The following PAX4 variants were observed in gnomAD, a reference collection of about 807,000 sequenced individuals.
The protein encoded by PAX4 is paired box protein Pax-4.
PAX4 carries 33 observed loss-of-function variants against 40.6 expected under a neutral mutation model. The ratio of observed to expected loss-of-function variants is 0.81; its 90% confidence interval spans 0.62 to 1.09. PAX4 has a LOEUF of 1.09. Among genes scored for constraint, PAX4 ranks in the 50% least tolerant of loss-of-function variants. The pLI is 0.00. For synonymous variants in PAX4, 174 were observed against 170.6 expected (o/e 1.02, Z -0.16); for missense variants, 459 against 442.5 (o/e 1.04, Z -0.33).
rs376039555 is a variant in PAX4 at position 127,612,934 on chromosome 7, AGGATGGATGGAT to A, written c.715+76_715+87del. On this transcript the variant is annotated intron_variant, in intron 9 of 11. Transcript: ENST00000639438. ...GATGGATAAATGGATGGACGAATGG[AGGATGGATGGAT>A]GGATGGATGGATGGATGGATGGATG... 119 of 920,294 alleles carry A rather than the reference AGGATGGATGGAT, an allele frequency of 1.3e-4. 1 individual carries two copies. Among genetic ancestry groups the A allele is most frequent in the South Asian group, 4.0e-4 (30 of 75,656 alleles). 57.0% of individuals were successfully genotyped at this position (920,294 alleles called of 1,614,324 possible).
At chr7:127,613,251 A>G (rs555879720) in intron 8 of PAX4, among the ~76,000 whole-genome samples, 160 bp from the exon 9 acceptor site, 1 of 152,204 alleles carries the variant, frequency 6.6e-6, no homozygotes, top group African/African-American at 2.4e-5. Context: ...CCCCTTCCTC[A>G]ACTCAAAGGT....
rs377152445 is a variant in PAX4, at chr7:127,611,939, G to T, written c.771+6C>A. The T allele has an allele frequency of 6.2e-7, 1 of 1,614,044 alleles. No homozygotes were observed. Among genetic ancestry groups the T allele is most frequent in the African/African-American group, 1.3e-5 (1 of 75,034 alleles). ...AGGGCACAGACTCCCCTCTCCTCCC[G>T]AGTACCTGTGCAGAGATGATTCCTG... On this transcript the variant is annotated splice_donor_region_variant and intron_variant, in intron 10 of 11. Transcript: ENST00000639438.
chr7:127,611,543 G>A lies in PAX4; in HGVS notation c.905C>T (p.Pro302Leu). The A allele has an allele frequency of 1.2e-6, 2 of 1,613,712 alleles. No homozygotes were observed. Among genetic ancestry groups the A allele is most frequent in the Non-Finnish European group, 1.7e-6 (2 of 1,179,840 alleles). ...CTGGCCTGAATTCTTACCCCAGCAGGGCTTGAGACAGGCTTTAGGTGGGGT... is the reference window on the plus strand; with the variant it reads ...CTGGCCTGAATTCTTACCCCAGCAGAGCTTGAGACAGGCTTTAGGTGGGGT... The part of the protein sequence containing the change: ...SDTPPKACLK[P>L]CWGHLPPQPN... The change falls in exon 11 of 12, where the codon CCC (proline) becomes CTC (leucine). Residue 302 changes from proline to leucine, a missense_variant. Coordinates refer to ENST00000639438, the MANE Select transcript of PAX4 (RefSeq NM_001366110.1).
chr7:127,617,389 A>G lies in PAX4; in HGVS notation c.-214T>C, dbSNP rs1221285701. The G allele has an allele frequency of 6.6e-6, 1 of 152,196 alleles. No individual in the cohort carries two copies. Among genetic ancestry groups the G allele is most frequent in the Non-Finnish European group, 1.5e-5 (1 of 68,036 alleles). The allele number at this position is 152,196 out of a possible 1,614,324, so 9.4% of individuals were successfully genotyped here. ...AACTGAGGCACAGATTGGCATTGCCACAAGTCAGGGGCTGTCCAGAGAGTA... is the reference window on the plus strand; with the variant it reads ...AACTGAGGCACAGATTGGCATTGCCGCAAGTCAGGGGCTGTCCAGAGAGTA... On this transcript the variant is annotated 5_prime_UTR_variant, in exon 2 of 12. Coordinates refer to ENST00000639438, the MANE Select transcript of PAX4 (RefSeq NM_001366110.1).
rs1252493831 is a variant in PAX4 at position 127,610,695 on chromosome 7, G to T, written c.*369C>A. 3.2e-6 allele frequency: 2 copies of T among 618,888 alleles called. No individual in the cohort carries two copies. Among genetic ancestry groups the T allele is most frequent in the Non-Finnish European group, 5.7e-6 (2 of 349,800 alleles). 38.3% of individuals were successfully genotyped at this position (618,888 alleles called of 1,614,324 possible). On this transcript the variant is annotated 3_prime_UTR_variant, in exon 12 of 12. Coordinates refer to ENST00000639438, the MANE Select transcript of PAX4 (RefSeq NM_001366110.1). ...CCTACATACATGCATAGATTAGATG[G>T]TAGATACATAGATGTAAATAAATGA...
At position 127,613,002 on chromosome 7, in the gene PAX4, T is replaced by A; in HGVS notation, c.715+20A>T. The A allele has an allele frequency of 6.3e-7, 1 of 1,597,542 alleles. No individual in the cohort carries two copies. ...ATAGATGACTGAGCGGGCAGATGGA[T>A]GATGGTGCAGAGAAATCACCTGGCA... On this transcript the variant is annotated intron_variant, in intron 9 of 11. Transcript: ENST00000639438.
In PAX4 at chr7:127,610,392, A is replaced by G. The variant is rs569840544; in HGVS notation, c.*672T>C. The G allele has an allele frequency of 3.0e-4, 47 of 158,038 alleles. No homozygotes were observed. In the South Asian group the frequency reaches 8.3e-3, roughly 28 times the overall value. 9.8% of individuals were successfully genotyped at this position (158,038 alleles called of 1,614,324 possible). On this transcript the variant is annotated 3_prime_UTR_variant, in exon 12 of 12. Coordinates refer to ENST00000639438, the MANE Select transcript of PAX4 (RefSeq NM_001366110.1). ...AAATACAAAATACATATGACAAAAT[A>G]CATATGACAAAAATACATAATTTTC...
At chr7:127,612,853 G>A (rs1794656882) in intron 9 of PAX4, among the ~76,000 whole-genome samples, 169 bp downstream of exon 9, 1 of 150,980 alleles carries the variant, frequency 6.6e-6, no homozygotes, top group South Asian at 2.1e-4. Flanking sequence ...ATGATGAATG[G>A]ATGAATGGAT....
chr7:127,616,224 T>C (rs958788334), intron 2 of PAX4, among the ~76,000 whole-genome samples, 197 bp from the exon 3 acceptor site: 1 of 152,214 alleles, frequency 6.6e-6, no homozygotes, highest in Admixed American at 6.5e-5. Context: ...TGGATCTTTC[T>C]TGAAGTCCTG....
intron 6 of PAX4, 64 bp from the exon 7 acceptor site, chr7:127,613,945 C>T (rs910825024): frequency 1.9e-6 from 3 of 1,597,296 alleles, no homozygotes; most frequent in South Asian, 2.2e-5. Context: ...AGATGGGGTC[C>T]CTGAGTCTCT....
In PAX4 at chr7:127,611,097, C is replaced by T; in HGVS notation, c.1023G>A (p.Trp341Ter). ...AGCCATACAGTAGTGGGCAGCCAGGCCAGAGCAGGGCCTGAGAGCCACTAA... is the reference window on the plus strand; with the variant it reads ...AGCCATACAGTAGTGGGCAGCCAGGTCAGAGCAGGGCCTGAGAGCCACTAA... ...ASLSGSQALL[W>*]PGCPLLYGLE Residue 341 changes from tryptophan to a stop codon, truncating the protein, a stop_gained, in exon 12 of 12, where the codon TGG becomes TGA. Coordinates refer to ENST00000639438, the MANE Select transcript of PAX4 (RefSeq NM_001366110.1). LOFTEE classifies it low-confidence loss of function (END_TRUNC). 1 of 1,607,646 alleles carries T rather than the reference C, an allele frequency of 6.2e-7. No homozygotes were observed. The highest frequency in any genetic ancestry group is 1.1e-5 in the South Asian group (1 of 89,816).
chr7:127,612,712 T>G (rs1794653296), intron 9 of PAX4, among the ~76,000 whole-genome samples: 1 of 146,628 alleles, frequency 6.8e-6, no homozygotes, highest in Non-Finnish European at 1.5e-5. Flanking sequence ...GATAGATGAA[T>G]GGATGAATGG....
chr7:127,611,325 G>T, intron 11 of PAX4, 119 bp from the exon 12 acceptor site: 1 of 1,301,404 alleles, frequency 7.7e-7, no homozygotes, highest in Non-Finnish European at 1.1e-6. Flanking sequence ...TTGAATCCCA[G>T]TCTCACATCC....
chr7:127,611,352 G>T, intron 11 of PAX4, 146 bp from the exon 12 acceptor site: 1 of 1,356,354 alleles, frequency 7.4e-7, no homozygotes, highest in Non-Finnish European at 1.0e-6. Context: ...TGCTATGGCT[G>T]TCAGTGATAC....
chr7:127,611,899 C>A lies in PAX4; in HGVS notation c.771+46G>T, dbSNP rs779345188. ...GGCCAGAAATGGAAGAGCCCATGAG[C>A]CCTTCAGTCTTCCCAGGGCACAGAC... On this transcript the variant is annotated intron_variant, in intron 10 of 11. Transcript: ENST00000639438. 4 of 1,612,446 alleles carry A rather than the reference C, an allele frequency of 2.5e-6. No individual in the cohort carries two copies. The African/African-American group carries it at 4.0e-5, about 16-fold the overall frequency.
In PAX4 at chr7:127,614,490, C is replaced by G. The variant is rs1794691057; in HGVS notation, c.428G>C (p.Arg143Thr). 1 of 1,594,782 alleles carries G rather than the reference C, an allele frequency of 6.3e-7. No individual in the cohort carries two copies. Among genetic ancestry groups the G allele is most frequent in the Admixed American group, 1.7e-5 (1 of 57,540 alleles). ...EDQGLPCTRL[R>T]SPAVLAPAVL... is the part of the protein sequence containing the mutation. ...ACAACTCCAAGACCCACCTGGTGACCTGAGCCGTGTGCACGGTAGTCCCTG... is the reference window on the plus strand; with the variant it reads ...ACAACTCCAAGACCCACCTGGTGACGTGAGCCGTGTGCACGGTAGTCCCTG... The change falls in exon 6 of 12, where the codon AGG becomes ACG. Residue 143 changes from arginine (R) to threonine (T), a missense_variant. Coordinates refer to ENST00000639438, the MANE Select transcript of PAX4 (RefSeq NM_001366110.1).
chr7:127,610,581 A>T lies in PAX4; in HGVS notation c.*483T>A. 2 of 340,300 alleles carry T rather than the reference A, an allele frequency of 5.9e-6. No individual in the cohort carries two copies. Among genetic ancestry groups the T allele is most frequent in the Non-Finnish European group, 1.1e-5 (2 of 186,726 alleles). 21.1% of individuals were successfully genotyped at this position (340,300 alleles called of 1,614,324 possible). A position where few individuals can be genotyped will look rare whatever the true frequency, so the allele number is the denominator to read the frequency against. ...TGTGTGTGTGTGTGTGCGCGCACGC[A>T]TGCACGCATACATAATACACATATA... On this transcript the variant is annotated 3_prime_UTR_variant, in exon 12 of 12. Transcript: ENST00000639438.
chr7:127,615,166 G>GGAC (rs1794704400), intron 4 of PAX4, 71 bp from the exon 5 acceptor site: 2 of 1,611,312 alleles, frequency 1.2e-6, no homozygotes, highest in African/African-American at 2.7e-5. Context: ...CCTGGGACAG[G>GGAC]AGGAGGCTAT....
Position 127,611,057 on chromosome 7 carries a change from T to C in PAX4, c.*7A>G, listed in dbSNP as rs768461242. 1.9e-6 allele frequency: 3 copies of C among 1,599,714 alleles called. No homozygotes were observed. In the African/African-American group the frequency reaches 4.0e-5, roughly 21 times the overall value. Reference sequence around the variant, plus strand: ...CTTCTCTATGCCATCTCCTTCCCACTCCTGCCTCATTCCAAGCCATACAGT... The same window carrying C: ...CTTCTCTATGCCATCTCCTTCCCACCCCTGCCTCATTCCAAGCCATACAGT... On this transcript the variant is annotated 3_prime_UTR_variant, in exon 12 of 12. Transcript: ENST00000639438.
Sources: allele counts gnomAD v4.1 joint callset (sites outside exome capture counted in the v4.1 genomes callset), GRCh38; gene constraint gnomAD v4.1.1; transcripts MANE v1.5; gene names NCBI Gene and HGNC (gene_info 2026-07-23, HGNC 2026-07-21).